The following CTNNA3 variants were observed in gnomAD, a reference collection of about 807,000 sequenced individuals.
CTNNA3 encodes catenin alpha-3.
In CTNNA3, 76 loss-of-function variants were observed where a neutral mutation model predicts 95.7. The ratio of observed to expected loss-of-function variants is 0.79; its 90% confidence interval spans 0.66 to 0.96. The LOEUF (loss-of-function observed/expected upper bound fraction) is 0.96, where lower values mean the gene tolerates loss of function less well. Among genes scored for constraint, CTNNA3 ranks in the 40% least tolerant of loss-of-function variants. CTNNA3 has a pLI of 0.00. For synonymous variants in CTNNA3, 431 were observed against 374.4 expected (o/e 1.15, Z -1.74); for missense variants, 1,191 against 1,089.8 (o/e 1.09, Z -1.31).
At chr10:66,370,384 G>A (rs1228653385) in intron 12 of CTNNA3, among the ~76,000 whole-genome samples, 1 of 152,118 alleles carries the variant, frequency 6.6e-6, no homozygotes, top group African/African-American at 2.4e-5. Flanking sequence ...GAGATGAAAT[G>A]GAAGAGAGAA....
At chr10:67,085,161 C>T (rs1213260039) in intron 7 of CTNNA3, among the ~76,000 whole-genome samples, 1 of 151,830 alleles carries the variant, frequency 6.6e-6, no homozygotes, top group Non-Finnish European at 1.5e-5. Context: ...GATACACTAT[C>T]AAGAATAACA....
At chr10:66,776,809 T>C (rs188500345) in intron 7 of CTNNA3, among the ~76,000 whole-genome samples, 3 of 152,316 alleles carry the variant, frequency 2.0e-5, no homozygotes, top group Admixed American at 1.3e-4. Context: ...TGTTTTTCAA[T>C]ATAATCATTT....
intron 13 of CTNNA3, among the ~76,000 whole-genome samples, chr10:66,201,805 T>TTTTTG (rs2087435526): frequency 7.6e-6 from 1 of 131,586 alleles, no homozygotes; most frequent in African/African-American, 2.9e-5. Flanking sequence ...TTTTTTTTTT[T>TTTTTG]GAGATAGAGT....
intron 12 of CTNNA3, among the ~76,000 whole-genome samples, chr10:66,313,356 T>C (rs1340164689): frequency 6.6e-6 from 1 of 152,210 alleles, no homozygotes; most frequent in Non-Finnish European, 1.5e-5. Flanking sequence ...TCCAATGAAC[T>C]TACCAACTCT....
chr10:66,743,700 G>A (rs955195386), intron 9 of CTNNA3, among the ~76,000 whole-genome samples: 3 of 152,050 alleles, frequency 2.0e-5, no homozygotes, highest in Admixed American at 6.6e-5. Flanking sequence ...GGAGGAGGTC[G>A]GGTGTGGTGG....
chr10:66,456,487 C>T (rs2093495891), intron 11 of CTNNA3, among the ~76,000 whole-genome samples: 1 of 152,124 alleles, frequency 6.6e-6, no homozygotes, highest in Admixed American at 6.6e-5. Context: ...TTGAGACCAG[C>T]CTGGCCAACA....
intron 7 of CTNNA3, among the ~76,000 whole-genome samples, chr10:67,153,414 T>A (rs1390992100): frequency 6.6e-6 from 1 of 152,186 alleles, no homozygotes; most frequent in African/African-American, 2.4e-5. Flanking sequence ...GGATTGAAAA[T>A]CACAATTTTA....
chr10:67,539,966 T>C (rs1398854429), intron 3 of CTNNA3, among the ~76,000 whole-genome samples: 2 of 152,208 alleles, frequency 1.3e-5, no homozygotes, highest in Non-Finnish European at 2.9e-5. Flanking sequence ...TCTCATTTCT[T>C]GTAAAAGGTT....
intron 12 of CTNNA3, among the ~76,000 whole-genome samples, chr10:66,337,865 G>C (rs931666713): frequency 1.3e-5 from 2 of 151,994 alleles, no homozygotes; most frequent in Non-Finnish European, 2.9e-5. Flanking sequence ...GAATATATAT[G>C]TGAGTTACCA....
chr10:67,173,185 G>A (rs1412098238), intron 7 of CTNNA3, among the ~76,000 whole-genome samples: 1 of 152,112 alleles, frequency 6.6e-6, no homozygotes, highest in East Asian at 1.9e-4. Context: ...GAATAATGTG[G>A]TGCTTCACCC....
chr10:66,303,684 T>C (rs1022905474), intron 12 of CTNNA3, among the ~76,000 whole-genome samples: 2 of 152,120 alleles, frequency 1.3e-5, no homozygotes, highest in African/African-American at 2.4e-5. Context: ...ACCCAGGCTG[T>C]AGTGTAGTGG....
chr10:66,155,489 T>A (rs1297158884), intron 13 of CTNNA3, among the ~76,000 whole-genome samples: 3 of 151,736 alleles, frequency 2.0e-5, no homozygotes, highest in Non-Finnish European at 4.4e-5. Context: ...ATAAAAGAAA[T>A]ACCTGTGGCT....
chr10:66,120,474 A>T (rs904920126), intron 13 of CTNNA3, among the ~76,000 whole-genome samples: 20 of 151,302 alleles, frequency 1.3e-4, no homozygotes, highest in African/African-American at 4.9e-4. Context: ...TGACTAGGTG[A>T]CCTTAATTAT....
intron 11 of CTNNA3, among the ~76,000 whole-genome samples, chr10:66,442,227 G>T (rs971982717): frequency 1.3e-5 from 2 of 152,046 alleles, no homozygotes; most frequent in South Asian, 2.1e-4. Flanking sequence ...ATATGCATAG[G>T]TTATATGCCA....
chr10:67,638,564 C>A (rs1457182664), intron 2 of CTNNA3, among the ~76,000 whole-genome samples: 2 of 152,200 alleles, frequency 1.3e-5, no homozygotes, highest in Non-Finnish European at 2.9e-5. Flanking sequence ...ACATTCTTCT[C>A]AGCACCGCAC....
intron 7 of CTNNA3, among the ~76,000 whole-genome samples, chr10:66,879,400 C>T (rs764578568): frequency 9.2e-5 from 14 of 152,068 alleles, no homozygotes; most frequent in Non-Finnish European, 1.6e-4. Flanking sequence ...TAAATCCCAT[C>T]ATAATGTTAA....
chr10:65,977,414 C>G (rs1355925234), intron 16 of CTNNA3, among the ~76,000 whole-genome samples: 5 of 152,142 alleles, frequency 3.3e-5, no homozygotes, highest in Non-Finnish European at 5.9e-5. Context: ...AAAACGAACA[C>G]TTTTCAAGAC....
chr10:66,951,514 C>T (rs1174890854), intron 7 of CTNNA3, among the ~76,000 whole-genome samples: 1 of 152,146 alleles, frequency 6.6e-6, no homozygotes, highest in Non-Finnish European at 1.5e-5. Context: ...GAGATAGGTA[C>T]TGTTTACTCA....
At chr10:66,779,728 T>C (rs1207930537) in intron 7 of CTNNA3, among the ~76,000 whole-genome samples, 1 of 152,240 alleles carries the variant, frequency 6.6e-6, no homozygotes, top group Non-Finnish European at 1.5e-5. Flanking sequence ...GTTGATCTTC[T>C]CATTTGCAAT....
Sources: gnomAD v4.1 joint callset for allele counts (sites outside exome capture counted in the v4.1 genomes callset) on GRCh38, gnomAD v4.1.1 for gene constraint, MANE v1.5 for transcripts, NCBI Gene and HGNC (gene_info 2026-07-23, HGNC 2026-07-21) for gene names.